Variants in PRKCSH observed in about 807,000 individuals in gnomAD.
The protein encoded by PRKCSH is glucosidase 2 subunit beta.
A neutral mutation model predicts 79.7 loss-of-function variants in PRKCSH; 42 were observed. The ratio of observed to expected loss-of-function variants is 0.53; its 90% CI spans 0.41 to 0.68. PRKCSH has a LOEUF of 0.68. Ranked by LOEUF, PRKCSH falls within the 30% of genes least tolerant of loss-of-function variation. PRKCSH has a pLI of 0.00. For synonymous variants in PRKCSH, 325 were observed against 288.2 expected, an observed-to-expected ratio of 1.13 and a Z score of -1.29; for missense variants, 686 against 709.0, an observed-to-expected ratio of 0.97 and a Z score of 0.37.
chr19:11,447,801 C>T lies in PRKCSH; in HGVS notation c.1126+12C>T, dbSNP rs747954897. On this transcript the variant is annotated intron_variant, in intron 12 of 17. Coordinates refer to ENST00000677123, the MANE Select transcript of PRKCSH (RefSeq NM_001289104.2). The surrounding 1 kb of genome is among the most constrained non-coding windows in gnomAD (Gnocchi z 5.6). ...GGCCTTCATCGATGGTGAGGGTGGGCGGGGGCCAGGCTCCTCGGGTGGGCC... is the reference window on the plus strand; with the variant it reads ...GGCCTTCATCGATGGTGAGGGTGGGTGGGGGCCAGGCTCCTCGGGTGGGCC... The T allele has an allele frequency of 9.7e-6, 15 of 1,550,654 alleles. No individual in the cohort carries two copies. Among genetic ancestry groups the T allele is most frequent in the Non-Finnish European group, 1.3e-5 (15 of 1,147,488 alleles).
chr19:11,442,539 T>TC (rs773268534), intron 7 of PRKCSH, 24 bp downstream of exon 7: 7 of 1,606,312 alleles, frequency 4.4e-6, no homozygotes, highest in Non-Finnish European at 5.9e-6. Flanking sequence ...GGCCAAGGAC[T>TC]CACCTTCAGT....
At chr19:11,442,583 C>T (rs1170868894) in intron 7 of PRKCSH, 68 bp downstream of exon 7, 27 of 1,576,676 alleles carry the variant, frequency 1.7e-5, no homozygotes, top group Non-Finnish European at 2.0e-5. Context: ...CTAGGAGTCT[C>T]CCGCTCATTA....
chr19:11,444,881 G>A (rs1970221661), intron 7 of PRKCSH, among the ~76,000 whole-genome samples: 1 of 151,844 alleles, frequency 6.6e-6, no homozygotes, highest in Non-Finnish European at 1.5e-5. Context: ...GCCTCTGCCA[G>A]GTCCTAAACC....
chr19:11,446,986 T>C, intron 9 of PRKCSH, 88 bp from the exon 10 acceptor site: 1 of 1,398,484 alleles, frequency 7.2e-7, no homozygotes, highest in Non-Finnish European at 1.0e-6. Context: ...AGCCCTCCCG[T>C]GCCTGGCACC....
intron 6 of PRKCSH, among the ~76,000 whole-genome samples, chr19:11,442,046 C>T (rs1280077985): frequency 6.6e-6 from 1 of 152,168 alleles, no homozygotes; most frequent in East Asian, 1.9e-4. Context: ...TAGAGTGTTC[C>T]AGGCTGAAGG....
At chr19:11,445,583 G>A in intron 8 of PRKCSH, 110 bp downstream of exon 8, 1 of 1,103,302 alleles carries the variant, frequency 9.1e-7, no homozygotes, top group Non-Finnish European at 1.3e-6. Context: ...CCCCCGGCGT[G>A]GGGTCCAGGC....
In PRKCSH at chr19:11,441,300, G is replaced by A; in HGVS notation, c.411G>A (p.Gly137=). The change falls in exon 6 of 18, where the codon GGG becomes GGA. Residue 137 remains glycine (G), a synonymous_variant. Coordinates refer to ENST00000677123, the MANE Select transcript of PRKCSH (RefSeq NM_001289104.2). ...LQQMAEVTRE[G]FRLKKILIED... ...AGATGGCCGAGGTCACCCGCGAAGG[G>A]TTCCGTCTGAAGAAGATCCTTATTG... 6.2e-7 allele frequency: 1 copy of A among 1,614,088 alleles called. No individual in the cohort carries two copies.
rs1439090181 is a variant in PRKCSH, at chr19:11,437,921, G to A, written c.242G>A (p.Gly81Asp). Residue 81 changes from glycine to aspartate, a missense_variant, in exon 4 of 18, where the codon GGC becomes GAC. Coordinates refer to ENST00000677123, the MANE Select transcript of PRKCSH (RefSeq NM_001289104.2). ...PNGSFHCTNT[G>D]YKPLYIPSNR... ...GGCAGCTTCCACTGCACCAACACTGGCTATAAGCCCCTGTATATCCCCTCC... is the reference window on the plus strand; with the variant it reads ...GGCAGCTTCCACTGCACCAACACTGACTATAAGCCCCTGTATATCCCCTCC... 1.2e-6 allele frequency: 2 copies of A among 1,614,180 alleles called. No individual in the cohort carries two copies. The highest frequency in any genetic ancestry group is 4.5e-5 in the East Asian group (2 of 44,876).
Position 11,437,931 on chromosome 19 carries a change from C to T in PRKCSH, c.252C>T (p.Pro84=). ...ACTGCACCAACACTGGCTATAAGCC[C>T]CTGTATATCCCCTCCAACCGGGTCA... ...SFHCTNTGYK[P]LYIPSNRVND... The change falls in exon 4 of 18, where the codon CCC becomes CCT. Residue 84 remains proline (P), a synonymous_variant. Transcript: ENST00000677123. The T allele has an allele frequency of 1.9e-6, 3 of 1,614,148 alleles. No individual in the cohort carries two copies. The highest frequency in any genetic ancestry group is 1.3e-5 in the African/African-American group (1 of 75,040).
In PRKCSH at chr19:11,447,124, C is replaced by T. The variant is rs746700714; in HGVS notation, c.813C>T (p.Arg271=). 5.0e-6 allele frequency: 8 copies of T among 1,613,876 alleles called. No homozygotes were observed. The African/African-American group carries it at 5.3e-5, about 11-fold the overall frequency. Residue 271 remains arginine, a synonymous_variant, in exon 10 of 18, where the codon CGC becomes CGT. Transcript: ENST00000677123. The surrounding 1 kb of genome is among the most constrained non-coding windows in gnomAD (Gnocchi z 5.6). ...CAGACGCCACCTCTTTCTACGACCGCGTCTGGGCCGCCATCAGGGACAAGT... is the reference window on the plus strand; with the variant it reads ...CAGACGCCACCTCTTTCTACGACCGTGTCTGGGCCGCCATCAGGGACAAGT... The part of the protein sequence containing the change: ...TQTDATSFYD[R]VWAAIRDKYR...
Position 11,436,501 on chromosome 19 carries a change from G to A in PRKCSH, c.192G>A (p.Glu64=), listed in dbSNP as rs185313295. The A allele has an allele frequency of 4.4e-6, 7 of 1,608,930 alleles. No individual in the cohort carries two copies. In the Admixed American group the frequency reaches 1.2e-4, roughly 27 times the overall value. Residue 64 remains glutamate (E), a synonymous_variant, in exon 3 of 18, where the codon GAG becomes GAA. Transcript: ENST00000677123. ...DYCDCKDGSD[E]PGTAACPNGS... is the part of the protein sequence containing the mutation. ...GCGACTGCAAAGATGGCTCTGACGA[G>A]CCAGGTGAGCCTTTTCTCTGTTCAT...
At position 11,441,229 on chromosome 19, in the gene PRKCSH, C is replaced by A; in HGVS notation, c.351-11C>A. The A allele has an allele frequency of 6.2e-7, 1 of 1,613,562 alleles. No homozygotes were observed. Among genetic ancestry groups the A allele is most frequent in the South Asian group, 1.1e-5 (1 of 91,046 alleles). Reference sequence around the variant, plus strand: ...CCCCACTGGTGGTGCCTGTGTGTCTCCGCACCGCAGAGAGAAGGGCCGTAA... The same window carrying A: ...CCCCACTGGTGGTGCCTGTGTGTCTACGCACCGCAGAGAGAAGGGCCGTAA... On this transcript the variant is annotated splice_polypyrimidine_tract_variant and intron_variant, in intron 5 of 17. Transcript: ENST00000677123.
intron 6 of PRKCSH, 74 bp from the exon 7 acceptor site, chr19:11,442,312 A>G: frequency 6.6e-7 from 1 of 1,516,192 alleles, no homozygotes; most frequent in East Asian, 2.5e-5. Flanking sequence ...TGTGGAGTAG[A>G]GGCAGGGAGG....
chr19:11,449,570 T>G lies in PRKCSH; in HGVS notation c.*16+142T>G. On this transcript the variant is annotated intron_variant, in intron 17 of 17. Transcript: ENST00000677123. This position sits in a 1 kb window ranked among gnomAD's most constrained non-coding sequence, Gnocchi z 6.4. The stretch of plus-strand genomic sequence containing the variant: ...TTTGTTTTGTTTTTTTGAGGTGGAG[T>G]CTCACTCTTTGGCCCAGGCTGGAGT... 11 of 1,116,546 alleles carry G rather than the reference T, an allele frequency of 9.9e-6. No individual in the cohort carries two copies. Among genetic ancestry groups the G allele is most frequent in the Non-Finnish European group, 1.3e-5 (10 of 782,524 alleles). The allele number at this position is 1,116,546 out of a possible 1,614,324, so 69.2% of individuals were successfully genotyped here.
intron 7 of PRKCSH, among the ~76,000 whole-genome samples, chr19:11,444,612 CTGGTATACAGTAGGAAGTTAATCA>C (rs1970209753): frequency 6.6e-6 from 1 of 152,152 alleles, no homozygotes; most frequent in African/African-American, 2.4e-5. Context: ...GAACTGAATC[CTGGTATACAGTAGGAAGTTAATCA>C]TTGGAGCCGC....
At position 11,449,647 on chromosome 19, in the gene PRKCSH, A is replaced by T; in HGVS notation, c.*16+219A>T. 1 of 600,070 alleles carries T rather than the reference A, an allele frequency of 1.7e-6. No homozygotes were observed. Among genetic ancestry groups the T allele is most frequent in the Admixed American group, 2.9e-5 (1 of 34,068 alleles). 37.2% of individuals were successfully genotyped at this position (600,070 alleles called of 1,614,324 possible). A position where few individuals can be genotyped will look rare whatever the true frequency, so the allele number is the denominator to read the frequency against. On this transcript the variant is annotated intron_variant, in intron 17 of 17. Coordinates refer to ENST00000677123, the MANE Select transcript of PRKCSH (RefSeq NM_001289104.2). The surrounding 1 kb of genome is among the most constrained non-coding windows in gnomAD (Gnocchi z 6.4). ...AACCTCTACCTCCCGGGTTCAAACA[A>T]TTGTCTTGTCTCAGCCTCCCAAGTA...
chr19:11,447,076 C>T lies in PRKCSH; in HGVS notation c.765C>T (p.Ala255=), dbSNP rs768218358. ...GACACCACCCCCAACACACACAGGC[C>T]CTCCTCAGTGGGGACACACAGACAG... ...DGALSEAEAQ[A]LLSGDTQTDA... is the part of the protein sequence containing the mutation. Residue 255 remains alanine (A), a splice_region_variant and synonymous_variant, in exon 10 of 18, where the codon GCC becomes GCT. Transcript: ENST00000677123. This position sits in a 1 kb window ranked among gnomAD's most constrained non-coding sequence, Gnocchi z 5.6. 2 of 1,613,982 alleles carry T rather than the reference C, an allele frequency of 1.2e-6. No homozygotes were observed. Among genetic ancestry groups the T allele is most frequent in the South Asian group, 2.2e-5 (2 of 91,084 alleles).
chr19:11,439,600 C>CTTTTTTT (rs1969953628), intron 5 of PRKCSH, among the ~76,000 whole-genome samples: 1 of 66,494 alleles, frequency 1.5e-5, no homozygotes, highest in African/African-American at 5.9e-5. Flanking sequence ...AAAAATTTTT[C>CTTTTTTT]TTTTCTTTTT....
chr19:11,435,975 A>AT, intron 1 of PRKCSH, 66 bp from the exon 2 acceptor site: 1 of 1,203,468 alleles, frequency 8.3e-7, no homozygotes. Context: ...CCTGGAAGCG[A>AT]TGGAGGAATC....
Sources: allele counts gnomAD v4.1 joint callset (sites outside exome capture counted in the v4.1 genomes callset), GRCh38; gene constraint gnomAD v4.1.1; non-coding constraint Gnocchi (gnomAD v3.1); transcripts MANE v1.5; gene names NCBI Gene and HGNC (gene_info 2026-07-23, HGNC 2026-07-21).